Variants in RHBDL2 observed in about 807,000 individuals in gnomAD.
The protein encoded by RHBDL2 is rhomboid-related protein 2.
In RHBDL2, 26 loss-of-function variants were observed where a neutral mutation model predicts 31.7. The observed-to-expected ratio is 0.82, with a 90% CI of 0.60 to 1.14. The LOEUF is 1.14. Among genes scored for constraint, RHBDL2 ranks in the 50% most tolerant of loss-of-function variants. The probability of loss-of-function intolerance (pLI) is 0.00; values close to 1 mark genes in which losing one functional copy is unlikely to be tolerated. For synonymous variants in RHBDL2, 123 were observed against 127.2 expected, an observed-to-expected ratio of 0.97 and a Z score of 0.22; for missense variants, 336 against 364.4, an observed-to-expected ratio of 0.92 and a Z score of 0.63.
intron 3 of RHBDL2, among the ~76,000 whole-genome samples, chr1:38,914,995 C>T (rs1451854266): frequency 1.3e-5 from 2 of 150,182 alleles, no homozygotes; most frequent in Non-Finnish European, 3.0e-5. Flanking sequence ...CACCACTGCA[C>T]TCTAGCCTGG....
intron 4 of RHBDL2, among the ~76,000 whole-genome samples, chr1:38,903,180 C>G (rs1643017177): frequency 6.6e-6 from 1 of 151,694 alleles, no homozygotes; most frequent in Non-Finnish European, 1.5e-5. Flanking sequence ...GCTCTTGTTG[C>G]CCAGGCTGGA....
At chr1:38,925,400 A>C (rs934648364) in intron 1 of RHBDL2, among the ~76,000 whole-genome samples, 1 of 152,064 alleles carries the variant, frequency 6.6e-6, no homozygotes, top group Non-Finnish European at 1.5e-5. Context: ...CGGGAGGCTG[A>C]GACAGGAGAA....
At chr1:38,891,569 G>C (rs981752653) in intron 6 of RHBDL2, among the ~76,000 whole-genome samples, 9 of 152,162 alleles carry the variant, frequency 5.9e-5, no homozygotes, top group Non-Finnish European at 1.3e-4. Context: ...CTCAGCTCCT[G>C]CAGCAGCTCT....
intron 1 of RHBDL2, among the ~76,000 whole-genome samples, chr1:38,937,859 C>G (rs937527183): frequency 2.6e-5 from 4 of 152,136 alleles, no homozygotes; most frequent in Non-Finnish European, 5.9e-5. Flanking sequence ...CTCAAGAGAT[C>G]CTTCATGAAC....
At chr1:38,915,531 T>A (rs1643220957) in intron 3 of RHBDL2, 31 bp downstream of exon 3, 1 of 1,610,838 alleles carries the variant, frequency 6.2e-7, no homozygotes, top group East Asian at 2.2e-5. Flanking sequence ...TAATCACCTC[T>A]GATACCAGGG....
chr1:38,892,651 A>G (rs1490323887), intron 6 of RHBDL2, among the ~76,000 whole-genome samples: 1 of 152,154 alleles, frequency 6.6e-6, no homozygotes, highest in Non-Finnish European at 1.5e-5. Context: ...TAAACCAATC[A>G]CATGGTGAAA....
intron 1 of RHBDL2, among the ~76,000 whole-genome samples, chr1:38,920,166 CTT>C (rs71057165): frequency 4.4e-4 from 49 of 111,390 alleles, no homozygotes; most frequent in African/African-American, 1.5e-3. Context: ...CACATGTTTT[CTT>C]TTTTTTTTTT....
At chr1:38,928,325 G>A (rs1643401195) in intron 1 of RHBDL2, among the ~76,000 whole-genome samples, 1 of 151,832 alleles carries the variant, frequency 6.6e-6, no homozygotes. Context: ...TGTATTCTTA[G>A]TAGAGACGGG....
At position 38,915,543 on chromosome 1, in the gene RHBDL2, C is replaced by T. The variant is rs1433859470; in HGVS notation, c.395+19G>A. The T allele has an allele frequency of 3.1e-6, 5 of 1,612,860 alleles. No individual in the cohort carries two copies. Among genetic ancestry groups the T allele is most frequent in the Non-Finnish European group, 4.2e-6 (5 of 1,179,238 alleles). ...ATATAATCACCTCTGATACCAGGGG[C>T]TTAACTATCATTGCTTACCCAGCAT... On this transcript the variant is annotated intron_variant, in intron 3 of 7. Transcript: ENST00000372990.
intron 4 of RHBDL2, 22 bp from the exon 5 acceptor site, chr1:38,896,091 G>T (rs1331079517): frequency 6.6e-7 from 1 of 1,506,944 alleles, no homozygotes. Flanking sequence ...AAACACAAAG[G>T]ATCAGACATG....
intron 1 of RHBDL2, among the ~76,000 whole-genome samples, chr1:38,925,108 C>T (rs139174945): frequency 6.6e-6 from 1 of 152,034 alleles, no homozygotes; most frequent in African/African-American, 2.4e-5. Flanking sequence ...AAGAGATTTA[C>T]ATAGGAGACT....
At chr1:38,900,107 G>A (rs1361385226) in intron 4 of RHBDL2, among the ~76,000 whole-genome samples, 4 of 152,182 alleles carry the variant, frequency 2.6e-5, no homozygotes, top group African/African-American at 9.7e-5. Context: ...TAACATAACT[G>A]AGTTACAGAA....
intron 3 of RHBDL2, 194 bp downstream of exon 3, chr1:38,915,368 G>C: frequency 1.9e-6 from 1 of 532,596 alleles, no homozygotes. Context: ...CAAGTGATCT[G>C]CCCACCTCAG....
intron 1 of RHBDL2, chr1:38,929,350 A>G: frequency 7.9e-7 from 1 of 1,259,224 alleles, no homozygotes; most frequent in Non-Finnish European, 1.0e-6. Context: ...AGGACGGGAA[A>G]AGGATTTGCC....
At chr1:38,897,673 C>T (rs1203364467) in intron 4 of RHBDL2, among the ~76,000 whole-genome samples, 1 of 152,162 alleles carries the variant, frequency 6.6e-6, no homozygotes, top group Non-Finnish European at 1.5e-5. Context: ...TATCATCGTG[C>T]CACTGCGCTC....
At chr1:38,895,493 G>A (rs72658088) in intron 5 of RHBDL2, among the ~76,000 whole-genome samples, 23,302 of 151,874 alleles carry the variant, frequency 0.15, 2,266 homozygotes, top group Non-Finnish European at 0.22. Flanking sequence ...CTTTTGAAAT[G>A]AGAAAAAAAA....
At chr1:38,912,960 A>G (rs1643175602) in intron 3 of RHBDL2, among the ~76,000 whole-genome samples, 1 of 53,670 alleles carries the variant, frequency 1.9e-5, no homozygotes, top group East Asian at 3.4e-4. Flanking sequence ...ATTTACATAT[A>G]CACGTGTGTG....
chr1:38,911,650 G>A (rs1438884183), intron 3 of RHBDL2, among the ~76,000 whole-genome samples: 12 of 145,828 alleles, frequency 8.2e-5, no homozygotes, highest in African/African-American at 1.8e-4. Context: ...GTGTGTGCGC[G>A]CGCGCGCGCG....
intron 1 of RHBDL2, among the ~76,000 whole-genome samples, chr1:38,938,170 A>C (rs932972518): frequency 1.3e-5 from 2 of 151,574 alleles, no homozygotes; most frequent in Middle Eastern, 3.4e-3. Context: ...GGTGCACGCC[A>C]CCATGCCCAG....
Sources: allele counts gnomAD v4.1 joint callset (sites outside exome capture counted in the v4.1 genomes callset), GRCh38; gene constraint gnomAD v4.1.1; transcripts MANE v1.5; gene names NCBI Gene and HGNC (gene_info 2026-07-23, HGNC 2026-07-21).